OTUD3: variants seen among roughly 807,000 people sequenced by gnomAD.
OTUD3 encodes the protein OTU deubiquitinase 3.
OTUD3 carries 24 observed loss-of-function variants against 46.2 expected under a neutral mutation model. The observed-to-expected ratio is 0.52, with a 90% CI of 0.38 to 0.73. The LOEUF (loss-of-function observed/expected upper bound fraction) is 0.73, where lower values mean the gene tolerates loss of function less well. OTUD3 is among the 30% of genes least tolerant of loss of function. The probability of loss-of-function intolerance (pLI) is 0.00; values close to 1 mark genes in which losing one functional copy is unlikely to be tolerated. For missense variants in OTUD3, 455 were observed against 523.3 expected (o/e 0.87, Z 1.27); for synonymous variants, 189 against 195.4 (o/e 0.97, Z 0.27).
At chr1:19,905,827 T>A (rs1037860599) in intron 6 of OTUD3, among the ~76,000 whole-genome samples, 3 of 152,254 alleles carry the variant, frequency 2.0e-5, no homozygotes, top group Non-Finnish European at 2.9e-5. Context: ...TTGCCAGATG[T>A]TACGTGTCAG....
intron 6 of OTUD3, 46 bp downstream of exon 6, chr1:19,905,033 G>A: frequency 9.7e-7 from 1 of 1,026,058 alleles, no homozygotes. Flanking sequence ...TGGTTGTGTT[G>A]GTAATTTTCC....
rs180694676 is a variant in OTUD3 at position 19,889,448 on chromosome 1, T to G, written c.222-937T>G. 7.2e-5 allele frequency among the ~76,000 whole-genome samples: 11 copies of G among 152,308 alleles called. No individual in the cohort carries two copies. The East Asian group carries it at 2.1e-3, about 29-fold the overall frequency. On this transcript the variant is annotated intron_variant, in intron 1 of 7. Transcript: ENST00000375120. ...TTTCTGAAAGTGATGAGTTTATACT[T>G]TGGAATTACAGTATCATAGTTTTTC...
intron 1 of OTUD3, among the ~76,000 whole-genome samples, chr1:19,885,516 C>G (rs111881064): frequency 2.2e-3 from 334 of 152,332 alleles, no homozygotes; most frequent in African/African-American, 7.6e-3. Context: ...TGCAGTGGCA[C>G]AATCTTGGCT....
chr1:19,900,845 A>T (rs546001308), intron 4 of OTUD3, among the ~76,000 whole-genome samples: 20 of 151,374 alleles, frequency 1.3e-4, no homozygotes, highest in Admixed American at 2.6e-4. Context: ...TGTCTTTTTT[A>T]AAAAAAACAA....
chr1:19,897,941 C>A, intron 4 of OTUD3: 1 of 212,944 alleles, frequency 4.7e-6, no homozygotes, highest in Non-Finnish European at 9.1e-6. Context: ...TAAAATTAAT[C>A]CACACCTTTT....
rs2045704917 is a variant in OTUD3 at position 19,909,331 on chromosome 1, G to C, written c.*1585G>C. The C allele has an allele frequency of 6.6e-6, 1 of 152,274 alleles. No homozygotes were observed. Among genetic ancestry groups the C allele is most frequent in the African/African-American group, 2.4e-5 (1 of 41,426 alleles). The allele number at this position is 152,274 out of a possible 1,614,324, so 9.4% of individuals were successfully genotyped here. A position where few individuals can be genotyped will look rare whatever the true frequency, so the allele number is the denominator to read the frequency against. On this transcript the variant is annotated 3_prime_UTR_variant, in exon 8 of 8. Coordinates refer to ENST00000375120, the MANE Select transcript of OTUD3 (RefSeq NM_015207.2). ...GGAGCATCAGTAGTCTCTTGGAATTGCTCCTAGGACATTGTGGTTTAGGTT... is the reference window on the plus strand; with the variant it reads ...GGAGCATCAGTAGTCTCTTGGAATTCCTCCTAGGACATTGTGGTTTAGGTT...
At chr1:19,904,023 G>A (rs1030592191) in intron 4 of OTUD3, among the ~76,000 whole-genome samples, 45 of 152,210 alleles carry the variant, frequency 3.0e-4, no homozygotes, top group African/African-American at 1.1e-3. Flanking sequence ...ATGGGAGTGC[G>A]AATGCCTTTC....
At chr1:19,894,241 A>G in intron 2 of OTUD3, 127 bp from the exon 3 acceptor site, 1 of 555,092 alleles carries the variant, frequency 1.8e-6, no homozygotes, top group Non-Finnish European at 3.2e-6. Flanking sequence ...ACTCTGACAA[A>G]GTTAATGGAC....
intron 4 of OTUD3, among the ~76,000 whole-genome samples, chr1:19,898,597 G>A (rs771100852): frequency 4.6e-5 from 7 of 151,476 alleles, no homozygotes; most frequent in East Asian, 2.0e-4. Flanking sequence ...GTGTGGTGGC[G>A]CATGCCTGTA....
chr1:19,894,372 C>T lies in OTUD3; in HGVS notation c.375C>T (p.Ala125=), dbSNP rs1415114932. The T allele has an allele frequency of 2.5e-6, 4 of 1,590,350 alleles. No homozygotes were observed. Among genetic ancestry groups the T allele is most frequent in the Non-Finnish European group, 3.4e-6 (4 of 1,165,696 alleles). ...TTCTTTCCTATTTCCATGCAGTGGCCAGTTTGGCAAAGCCTGGTACTTTTG... is the reference window on the plus strand; with the variant it reads ...TTCTTTCCTATTTCCATGCAGTGGCTAGTTTGGCAAAGCCTGGTACTTTTG... ...EDDIPFEKHV[A]SLAKPGTFAG... is the part of the protein sequence containing the mutation. The change falls in exon 3 of 8, where the codon GCC becomes GCT. Residue 125 remains alanine, a synonymous_variant. Transcript: ENST00000375120.
Position 19,908,067 on chromosome 1 carries a change from C to T in OTUD3, c.*321C>T, listed in dbSNP as rs2045688074. On this transcript the variant is annotated 3_prime_UTR_variant, in exon 8 of 8. Transcript: ENST00000375120. ...TTTATTTGCCCTGAAAATCAGACTT[C>T]AGTGACCCTAGGATCTTTCCTTAAC... The T allele has an allele frequency of 8.9e-6, 2 of 225,680 alleles. No homozygotes were observed. The highest frequency in any genetic ancestry group is 1.0e-4 in the South Asian group (1 of 9,612). The allele number at this position is 225,680 out of a possible 1,614,324, so 14.0% of individuals were successfully genotyped here.
intron 2 of OTUD3, among the ~76,000 whole-genome samples, chr1:19,891,587 C>T (rs1434184704): frequency 6.6e-6 from 1 of 152,098 alleles, no homozygotes; most frequent in Non-Finnish European, 1.5e-5. Flanking sequence ...GTATAATTGA[C>T]AGGACACATT....
intron 4 of OTUD3, chr1:19,897,864 C>T: frequency 4.4e-6 from 2 of 452,272 alleles, no homozygotes; most frequent in Non-Finnish European, 3.9e-6. Context: ...TTTGCTTTTT[C>T]TGATAGTTGA....
At position 19,912,926 on chromosome 1, in the gene OTUD3, A is replaced by C. The variant is rs1490716168; in HGVS notation, c.*5180A>C. The stretch of plus-strand genomic sequence containing the variant: ...TGAAATGGAGTTTTGTATACCAATA[A>C]ATTCTAGTTTAAAAACAAAGTTTTA... On this transcript the variant is annotated 3_prime_UTR_variant, in exon 8 of 8. Coordinates refer to ENST00000375120, the MANE Select transcript of OTUD3 (RefSeq NM_015207.2). The C allele has an allele frequency of 3.3e-5, 5 of 152,332 alleles. No homozygotes were observed. The highest frequency in any genetic ancestry group is 7.3e-5 in the Non-Finnish European group (5 of 68,034). 9.4% of individuals were successfully genotyped at this position (152,332 alleles called of 1,614,324 possible).
In OTUD3 at chr1:19,911,850, A is replaced by G. The variant is rs1046548; in HGVS notation, c.*4104A>G. The G allele has an allele frequency of 0.55, 83,609 of 152,094 alleles. 23,480 individuals carry two copies. The highest frequency in any genetic ancestry group is 0.62 in the African/African-American group (25,548 of 41,436). 9.4% of individuals were successfully genotyped at this position (152,094 alleles called of 1,614,324 possible). On this transcript the variant is annotated 3_prime_UTR_variant, in exon 8 of 8. Transcript: ENST00000375120. The stretch of plus-strand genomic sequence containing the variant: ...GCACTTAGGATGCAGAGCTTACCGC[A>G]CACCGCTGATGGGGACCTCCGGAAA...
rs1388056357 is a variant in OTUD3, at chr1:19,890,404, C to G, written c.241C>G (p.Leu81Val). Residue 81 changes from leucine (L) to valine (V), a missense_variant, in exon 2 of 8, where the codon CTT becomes GTT. Transcript: ENST00000375120. ...PGDGNCLFRA[L>V]GDQLEGHSRN... Reference sequence around the variant, plus strand: ...TGACAGCAATTGCTTGTTCAGAGCTCTTGGTGATCAATTGGAGGGACACTC... The same window carrying G: ...TGACAGCAATTGCTTGTTCAGAGCTGTTGGTGATCAATTGGAGGGACACTC... 1 of 1,613,956 alleles carries G rather than the reference C, an allele frequency of 6.2e-7. No homozygotes were observed. Among genetic ancestry groups the G allele is most frequent in the South Asian group, 1.1e-5 (1 of 91,072 alleles).
chr1:19,894,809 CAGCTCCTA>C (rs1430869660), intron 3 of OTUD3, among the ~76,000 whole-genome samples: 1 of 152,228 alleles, frequency 6.6e-6, no homozygotes, highest in Non-Finnish European at 1.5e-5. Context: ...CTTTGTACCT[CAGCTCCTA>C]AAGACTGAGC....
intron 4 of OTUD3, among the ~76,000 whole-genome samples, chr1:19,902,548 C>G (rs1211403153): frequency 6.6e-6 from 1 of 152,228 alleles, no homozygotes; most frequent in East Asian, 1.9e-4. Flanking sequence ...TAGCTAATGA[C>G]ATTGAACATC....
intron 2 of OTUD3, among the ~76,000 whole-genome samples, chr1:19,890,988 G>C (rs1053210615): frequency 6.6e-6 from 1 of 152,060 alleles, no homozygotes; most frequent in Non-Finnish European, 1.5e-5. Context: ...TATCTCACAG[G>C]GTTTTTGGTG....
Sources: allele counts gnomAD v4.1 joint callset (sites outside exome capture counted in the v4.1 genomes callset), GRCh38; gene constraint gnomAD v4.1.1; transcripts MANE v1.5; gene names NCBI Gene and HGNC (gene_info 2026-07-23, HGNC 2026-07-21).